BCKDHB: variants seen among roughly 807,000 people sequenced by gnomAD.
The protein encoded by BCKDHB is 2-oxoisovalerate dehydrogenase subunit beta, mitochondrial.
Under a neutral mutation model 48.5 loss-of-function variants are expected in BCKDHB, and 41 were observed. The observed-to-expected ratio is 0.85, with a 90% CI of 0.66 to 1.10. The LOEUF is 1.10. BCKDHB is among the 50% of genes least tolerant of loss of function. The probability of loss-of-function intolerance (pLI) is 0.00; values close to 1 mark genes in which losing one functional copy is unlikely to be tolerated. For synonymous variants in BCKDHB, 201 were observed against 174.8 expected (o/e 1.15, Z -1.18); for missense variants, 496 against 494.2 (o/e 1.00, Z -0.03).
In BCKDHB at chr6:80,244,228, CTG is replaced by C. The variant is rs142169337; in HGVS notation, c.952-28892_952-28891del. 6.0e-3 allele frequency among the ~76,000 whole-genome samples: 911 copies of C among 150,910 alleles called. 10 individuals carry two copies. Among genetic ancestry groups the C allele is most frequent in the African/African-American group, 0.021 (868 of 41,312 alleles). ...GAGATGGAAGGGCACAGTCTGGGGA[CTG>C]TGTGTGTGTGTGTGCATGTATGTGT... On this transcript the variant is annotated intron_variant, in intron 8 of 9. Transcript: ENST00000320393.
chr6:80,268,973 A>G (rs1156787985), intron 8 of BCKDHB, among the ~76,000 whole-genome samples: 1 of 152,110 alleles, frequency 6.6e-6, no homozygotes, highest in African/African-American at 2.4e-5. Context: ...CTTCTGAACT[A>G]CCTTAAAAAT....
At chr6:80,167,598 GT>G in intron 3 of BCKDHB, 79 bp from the exon 4 acceptor site, 1 of 1,390,662 alleles carries the variant, frequency 7.2e-7, no homozygotes, top group Non-Finnish European at 1.0e-6. Context: ...CCCATTATTA[GT>G]TTACTGAATT....
intron 3 of BCKDHB, among the ~76,000 whole-genome samples, chr6:80,152,706 A>G (rs115940278): frequency 3.8e-3 from 579 of 152,318 alleles, no homozygotes; most frequent in African/African-American, 0.013. Flanking sequence ...TATATCTTCT[A>G]TGGGCCCATA....
At chr6:80,436,835 A>C in the BCKDHB span, among the ~76,000 whole-genome samples, 1 of 152,136 alleles carries the variant, frequency 6.6e-6, no homozygotes, top group Non-Finnish European at 1.5e-5. Flanking sequence ...TGCTTTTTCT[A>C]AGAATATGTT....
chr6:80,314,722 C>T (rs1440580146), intron 9 of BCKDHB, among the ~76,000 whole-genome samples: 2 of 152,218 alleles, frequency 1.3e-5, no homozygotes, highest in Admixed American at 1.3e-4. Context: ...AAGGTGGTGG[C>T]CTGCCCCTCC....
intron 8 of BCKDHB, among the ~76,000 whole-genome samples, chr6:80,242,791 C>T (rs1351643139): frequency 6.6e-6 from 1 of 152,078 alleles, no homozygotes; most frequent in Non-Finnish European, 1.5e-5. Flanking sequence ...AACATCTTTG[C>T]TACATCTGGG....
the BCKDHB span, among the ~76,000 whole-genome samples, chr6:80,363,157 A>C: frequency 6.6e-6 from 1 of 152,206 alleles, no homozygotes; most frequent in Non-Finnish European, 1.5e-5. Context: ...GTTTAATGAC[A>C]CTTGGAAGAT....
At chr6:80,383,150 T>C in the BCKDHB span, among the ~76,000 whole-genome samples, 4,825 of 152,278 alleles carry the variant, frequency 0.032, 277 homozygotes, top group African/African-American at 0.11. Context: ...TTTAGCCAAC[T>C]TGACATACTA....
chr6:80,368,216 A>G, the BCKDHB span, among the ~76,000 whole-genome samples: 3 of 152,254 alleles, frequency 2.0e-5, no homozygotes, highest in South Asian at 6.2e-4. Context: ...ACATCTCAAC[A>G]CATACCACAT....
intron 6 of BCKDHB, among the ~76,000 whole-genome samples, chr6:80,198,202 G>A (rs1774221540): frequency 6.6e-6 from 1 of 152,174 alleles, no homozygotes; most frequent in Non-Finnish European, 1.5e-5. Context: ...TAAATCAATG[G>A]CATGGTTGTG....
chr6:80,342,973 G>A (rs1769998196), intron 9 of BCKDHB, among the ~76,000 whole-genome samples: 1 of 152,272 alleles, frequency 6.6e-6, no homozygotes, highest in Non-Finnish European at 1.5e-5. Flanking sequence ...GCCGAGTTCG[G>A]TGCTTTGGGA....
At chr6:80,256,996 A>G (rs896808204) in intron 8 of BCKDHB, among the ~76,000 whole-genome samples, 3 of 152,202 alleles carry the variant, frequency 2.0e-5, no homozygotes, top group Non-Finnish European at 4.4e-5. Context: ...ATAGTTTTCT[A>G]TCATTAGTTA....
At chr6:80,341,994 G>C (rs978802883) in intron 9 of BCKDHB, among the ~76,000 whole-genome samples, 4 of 152,110 alleles carry the variant, frequency 2.6e-5, no homozygotes, top group Non-Finnish European at 5.9e-5. Context: ...GTTGTTCGTG[G>C]AGATTTCCAG....
At chr6:80,372,070 G>A in the BCKDHB span, among the ~76,000 whole-genome samples, 1 of 152,118 alleles carries the variant, frequency 6.6e-6, no homozygotes, top group South Asian at 2.1e-4. Context: ...ATTTCTTTTG[G>A]CAGTATGGTC....
chr6:80,124,582 G>A (rs1770236371), intron 1 of BCKDHB, among the ~76,000 whole-genome samples: 1 of 152,106 alleles, frequency 6.6e-6, no homozygotes, highest in Non-Finnish European at 1.5e-5. Context: ...TGTATTGGGT[G>A]CATATATTTA....
the BCKDHB span, among the ~76,000 whole-genome samples, chr6:80,448,033 C>A: frequency 6.6e-6 from 1 of 152,144 alleles, no homozygotes; most frequent in Non-Finnish European, 1.5e-5. Flanking sequence ...TAGATCATAT[C>A]ATGGTAGGTA....
chr6:80,241,672 A>G (rs987597298), intron 8 of BCKDHB, among the ~76,000 whole-genome samples: 2 of 152,198 alleles, frequency 1.3e-5, no homozygotes, highest in Admixed American at 1.3e-4. Context: ...ATTCCTGGGA[A>G]TGAAACTTCT....
chr6:80,141,193 T>C (rs1391319892), intron 3 of BCKDHB, among the ~76,000 whole-genome samples: 1 of 152,098 alleles, frequency 6.6e-6, no homozygotes, highest in Non-Finnish European at 1.5e-5. Flanking sequence ...TTCTTCTCTC[T>C]TTTCTTCTTT....
At chr6:80,293,185 C>T (rs1309755543) in intron 9 of BCKDHB, among the ~76,000 whole-genome samples, 1 of 152,216 alleles carries the variant, frequency 6.6e-6, no homozygotes, top group Non-Finnish European at 1.5e-5. Flanking sequence ...TGGGGACTCC[C>T]ATGTTACATT....
Sources: allele counts gnomAD v4.1 joint callset (sites outside exome capture counted in the v4.1 genomes callset), GRCh38; gene constraint gnomAD v4.1.1; transcripts MANE v1.5; gene names NCBI Gene and HGNC (gene_info 2026-07-23, HGNC 2026-07-21).